CDKL5: variants seen among roughly 807,000 people sequenced by gnomAD.
The protein encoded by CDKL5 is cyclin-dependent kinase-like 5.
CDKL5 carries 8 observed loss-of-function variants against 61.7 expected under a neutral mutation model. The observed-to-expected ratio is 0.13, with a 90% CI of 0.08 to 0.23. The LOEUF (loss-of-function observed/expected upper bound fraction) is 0.23, where lower values mean the gene tolerates loss of function less well. Ranked by LOEUF, CDKL5 falls within the 10% of genes least tolerant of loss-of-function variation. The probability of loss-of-function intolerance (pLI) is 1.00; values close to 1 mark genes in which losing one functional copy is unlikely to be tolerated. For missense variants in CDKL5, 440 were observed against 734.5 expected (o/e 0.60, Z 4.63); for synonymous variants, 275 against 272.3 (o/e 1.01, Z -0.10).
At chrX:18,452,819 GTTTTTTTTTTTTTTT>G (rs757726659) in intron 1 of CDKL5, among the ~76,000 whole-genome samples, 2 of 57,682 alleles carry the variant, frequency 3.5e-5, no homozygotes, top group Non-Finnish European at 6.2e-5. Flanking sequence ...TAGTTCTCAA[GTTTTTTTTTTTTTTT>G]TTTTTTTTTT....
chrX:18,538,464 T>C (rs1923916404), intron 3 of CDKL5, among the ~76,000 whole-genome samples: 1 of 111,573 alleles, frequency 9.0e-6, no homozygotes, highest in Non-Finnish European at 1.9e-5. Flanking sequence ...TTTTTTCCTA[T>C]GGACTGTGCT....
Position 18,445,076 on chromosome X carries a change from CT to C in CDKL5, c.-163+19400del, listed in dbSNP as rs1187295211. ...GGGGTTTTCCCTTCTGTTTGGGTCA[CT>C]TTTTTTTTTTTTTTTTTTGAGACGG... On this transcript the variant is annotated intron_variant, in intron 1 of 17. Transcript: ENST00000623535. Among the ~76,000 whole-genome samples, 145 of 91,093 alleles carry C rather than the reference CT, an allele frequency of 1.6e-3. 1 individual carries two copies. The highest frequency in any genetic ancestry group is 2.5e-3 in the Non-Finnish European group (113 of 45,995). The allele number at this position is 91,093 out of a possible 115,157, so 79.1% of individuals were successfully genotyped here.
At chrX:18,481,360 CTT>C (rs1921561173) in intron 1 of CDKL5, among the ~76,000 whole-genome samples, 2 of 95,833 alleles carry the variant, frequency 2.1e-5, no homozygotes, top group African/African-American at 8.4e-5. Flanking sequence ...TTCTTTCTTT[CTT>C]TCTTTCTTTT....
chrX:18,490,435 T>C lies in CDKL5; in HGVS notation c.-162-16500T>C, dbSNP rs896654549. 1.3e-4 allele frequency among the ~76,000 whole-genome samples: 14 copies of C among 109,548 alleles called. 1 individual carries two copies. Among genetic ancestry groups the C allele is most frequent in the Non-Finnish European group, 2.7e-4 (14 of 52,659 alleles). ...TGGTGTCAGAGAATCAGAATTGGTGTTGGAAAAGATACCACGCATTTGCTG... is the reference window on the plus strand; with the variant it reads ...TGGTGTCAGAGAATCAGAATTGGTGCTGGAAAAGATACCACGCATTTGCTG... On this transcript the variant is annotated intron_variant, in intron 1 of 17. Transcript: ENST00000623535.
At chrX:18,650,732 A>T in intron 21 of CDKL5, 8 of 733,838 alleles carry the variant, frequency 1.1e-5, no homozygotes, top group Non-Finnish European at 1.6e-5. Context: ...ACAAAGCTGC[A>T]GGTGATTGTA....
At chrX:18,617,560 T>G (rs1926757372) in intron 15 of CDKL5, among the ~76,000 whole-genome samples, 1 of 112,284 alleles carries the variant, frequency 8.9e-6, no homozygotes, top group Admixed American at 9.4e-5. Context: ...CAAGTGCCTT[T>G]GTTCCAGCCA....
chrX:18,474,341 C>T (rs188290372), intron 1 of CDKL5, among the ~76,000 whole-genome samples: 7 of 111,137 alleles, frequency 6.3e-5, no homozygotes, highest in East Asian at 2.8e-4. Context: ...ATTATTTCCC[C>T]GAAAACCATC....
At chrX:18,574,070 C>T (rs779992975) in intron 4 of CDKL5, among the ~76,000 whole-genome samples, 1 of 111,479 alleles carries the variant, frequency 9.0e-6, no homozygotes, top group Non-Finnish European at 1.9e-5. Context: ...GTGCCCCTAT[C>T]TCCACACTCC....
chrX:18,621,596 C>T (rs745416355), intron 16 of CDKL5, among the ~76,000 whole-genome samples: 8 of 110,437 alleles, frequency 7.2e-5, no homozygotes, highest in Non-Finnish European at 1.5e-4. Flanking sequence ...CCTTTTAGTA[C>T]GATTTTGTAT....
intron 9 of CDKL5, among the ~76,000 whole-genome samples, chrX:18,593,982 T>C (rs1416631184): frequency 2.7e-5 from 3 of 112,463 alleles, no homozygotes; most frequent in Non-Finnish European, 3.8e-5. Flanking sequence ...CAGTTTAACA[T>C]TGATTGCTTT....
chrX:18,552,354 T>C (rs1327732306), intron 3 of CDKL5, among the ~76,000 whole-genome samples: 1 of 112,219 alleles, frequency 8.9e-6, no homozygotes, highest in East Asian at 2.8e-4. Flanking sequence ...TCTTTTTCTT[T>C]TAAAATTATG....
At chrX:18,604,892 A>G in intron 12 of CDKL5, 24 bp downstream of exon 12, 1 of 1,209,578 alleles carries the variant, frequency 8.3e-7, no homozygotes, top group African/African-American at 1.7e-5. Context: ...CCTTGACTGA[A>G]TCTGGTGGCC....
chrX:18,588,303 A>G, intron 9 of CDKL5, 160 bp downstream of exon 9: 2 of 411,211 alleles, frequency 4.9e-6, no homozygotes, highest in Non-Finnish European at 8.2e-6. Context: ...GAATTTTTTA[A>G]TAGTACTTGT....
Position 18,632,038 on chromosome X carries a change from G to A in CDKL5, c.*3281G>A, listed in dbSNP as rs1346163062. On this transcript the variant is annotated 3_prime_UTR_variant, in exon 18 of 18. Transcript: ENST00000623535. ...CTACTAAACACCCTGCCATGCACAG[G>A]ACAGCCCCCCAAACAAACAGTGGTC... The A allele has an allele frequency of 1.6e-6, 1 of 639,354 alleles. No individual in the cohort carries two copies. The highest frequency in any genetic ancestry group is 1.9e-6 in the Non-Finnish European group (1 of 535,955). The allele number at this position is 639,354 out of a possible 1,213,427, so 52.7% of individuals were successfully genotyped here.
chrX:18,426,465 A>G (rs1254104723), intron 1 of CDKL5: 3 of 112,638 alleles, frequency 2.7e-5, no homozygotes, highest in African/African-American at 9.7e-5. Flanking sequence ...AACATATTTC[A>G]GTGTAAAGGC....
rs200439467 is a variant in CDKL5 at position 18,507,446 on chromosome X, C to CTTTTTT, written c.64+300_64+305dup. Among the ~76,000 whole-genome samples the CTTTTTT allele has an allele frequency of 4.1e-5, 3 of 72,349 alleles. 1 individual carries two copies. The highest frequency in any genetic ancestry group is 1.5e-4 in the African/African-American group (3 of 19,426). 62.8% of individuals were successfully genotyped at this position (72,349 alleles called of 115,157 possible). A position where few individuals can be genotyped will look rare whatever the true frequency, so the allele number is the denominator to read the frequency against. ...TGTTACAACAGTCTTTGCCTTCATT[C>CTTTTTT]TTTTTTTTTTTTTTTTTTTAGCAAT... On this transcript the variant is annotated intron_variant, in intron 2 of 17. Coordinates refer to ENST00000623535, the MANE Select transcript of CDKL5 (RefSeq NM_001323289.2).
At chrX:18,506,407 A>G (rs1279871114) in intron 1 of CDKL5, among the ~76,000 whole-genome samples, 1 of 111,163 alleles carries the variant, frequency 9.0e-6, no homozygotes, top group East Asian at 2.8e-4. Context: ...ATATCTGTCT[A>G]TACTCCTATA....
chrX:18,450,735 C>T (rs1027468642), intron 1 of CDKL5, among the ~76,000 whole-genome samples: 9 of 111,030 alleles, frequency 8.1e-5, no homozygotes, highest in Non-Finnish European at 1.3e-4. Context: ...CCACCACGCC[C>T]GGTGTTTTCT....
chrX:18,599,585 C>G (rs1269115537), intron 11 of CDKL5, among the ~76,000 whole-genome samples: 1 of 111,199 alleles, frequency 9.0e-6, no homozygotes, highest in Non-Finnish European at 1.9e-5. Context: ...TCCTGAGTAG[C>G]TGGGACTATA....
Sources: allele counts gnomAD v4.1 joint callset (sites outside exome capture counted in the v4.1 genomes callset), GRCh38; gene constraint gnomAD v4.1.1; transcripts MANE v1.5; gene names NCBI Gene and HGNC (gene_info 2026-07-23, HGNC 2026-07-21).